Variants in NAA15 observed in about 807,000 individuals in gnomAD.
NAA15 encodes the protein N-alpha-acetyltransferase 15, NatA auxiliary subunit.
In NAA15, 34 loss-of-function variants were observed where a neutral mutation model predicts 114.0. That is an observed-to-expected ratio of 0.30 (90% CI 0.23 to 0.40). NAA15 has a LOEUF of 0.40. Ranked by LOEUF, NAA15 falls within the 10% of genes least tolerant of loss-of-function variation. The pLI, the probability that NAA15 is intolerant of heterozygous loss-of-function variation, is 1.00. For synonymous variants in NAA15, 340 were observed against 338.0 expected, an observed-to-expected ratio of 1.01 and a Z score of -0.06; for missense variants, 658 against 1,004.5, an observed-to-expected ratio of 0.66 and a Z score of 4.66.
Position 139,315,125 on chromosome 4 carries a change from C to G in NAA15, c.54+13294C>G, listed in dbSNP as rs148330663. On this transcript the variant is annotated intron_variant, in intron 1 of 19. Coordinates refer to ENST00000296543, the MANE Select transcript of NAA15 (RefSeq NM_057175.5). ...TCACCCAGGCTGGAGTGCAGTGGCG[C>G]GATCCCGGCTCACTGCAAGCTCTGC... Among the ~76,000 whole-genome samples, 796 of 150,982 alleles carry G rather than the reference C, an allele frequency of 5.3e-3. 22 individuals carry two copies. The highest frequency in any genetic ancestry group is 0.018 in the African/African-American group (757 of 40,986).
In NAA15 at chr4:139,307,392, C is replaced by G. The variant is rs554668346; in HGVS notation, c.54+5561C>G. On this transcript the variant is annotated intron_variant, in intron 1 of 19. Transcript: ENST00000296543. ...CAAGCTATCCTCCTAGCTCAGTCTC[C>G]CGAGTAGCTGCGACTACAGGCGTGC... 3.3e-5 allele frequency among the ~76,000 whole-genome samples: 5 copies of G among 152,286 alleles called. No individual in the cohort carries two copies. The South Asian group carries it at 1.0e-3, about 32-fold the overall frequency.
intron 1 of NAA15, among the ~76,000 whole-genome samples, chr4:139,327,388 T>C (rs977070042): frequency 3.3e-5 from 5 of 152,206 alleles, no homozygotes; most frequent in African/African-American, 1.2e-4. Context: ...TAGCTGGGAC[T>C]ACAGGCGTGC....
At chr4:139,387,172 A>G (rs1201451442) in intron 19 of NAA15, among the ~76,000 whole-genome samples, 1 of 152,184 alleles carries the variant, frequency 6.6e-6, no homozygotes, top group African/African-American at 2.4e-5. Context: ...TAACCTGGCA[A>G]AGTTTGTAGG....
chr4:139,385,616 C>T (rs891094013), intron 18 of NAA15, among the ~76,000 whole-genome samples: 2 of 152,126 alleles, frequency 1.3e-5, no homozygotes, highest in Non-Finnish European at 1.5e-5. Context: ...AGTCAAGGGT[C>T]TGTGCCAATG....
chr4:139,383,512 C>G (rs1299234373), intron 17 of NAA15, among the ~76,000 whole-genome samples: 1 of 152,186 alleles, frequency 6.6e-6, no homozygotes, highest in African/African-American at 2.4e-5. Flanking sequence ...ACTGTGTCAC[C>G]CAGGCTGGAA....
At chr4:139,335,965 G>A (rs1204828612) in intron 2 of NAA15, among the ~76,000 whole-genome samples, 4 of 152,002 alleles carry the variant, frequency 2.6e-5, no homozygotes, top group African/African-American at 9.7e-5. Flanking sequence ...CACCATGTTG[G>A]CCAGGCTGAT....
chr4:139,348,950 G>T (rs1048266290), intron 6 of NAA15, among the ~76,000 whole-genome samples: 5 of 152,178 alleles, frequency 3.3e-5, no homozygotes, highest in Non-Finnish European at 5.9e-5. Context: ...AGAAAGAAAA[G>T]ACAGTTAAGC....
intron 1 of NAA15, among the ~76,000 whole-genome samples, chr4:139,333,533 C>T (rs1056447113): frequency 6.6e-6 from 1 of 151,800 alleles, no homozygotes; most frequent in African/African-American, 2.4e-5. Flanking sequence ...GCCCTTTCAG[C>T]TTGAAAGCTT....
At chr4:139,380,258 T>G (rs904831393) in intron 17 of NAA15, among the ~76,000 whole-genome samples, 16 of 143,916 alleles carry the variant, frequency 1.1e-4, no homozygotes, top group African/African-American at 2.5e-4. Context: ...TTAGTTTTTT[T>G]GGGGGGGGGG....
rs1746261737 is a variant in NAA15 at position 139,312,704 on chromosome 4, T to C, written c.54+10873T>C. Among the ~76,000 whole-genome samples the C allele has an allele frequency of 1.3e-5, 2 of 151,552 alleles. 1 individual carries two copies. The highest frequency in any genetic ancestry group is 4.2e-4 in the South Asian group (2 of 4,808). On this transcript the variant is annotated intron_variant, in intron 1 of 19. Transcript: ENST00000296543. ...GTAAAAAATGAAAAAGTTACTTGGA[T>C]GTGGTGGTGGTGCAAACCTGTAGTC... is the stretch of plus-strand genomic sequence containing the variant.
chr4:139,328,102 G>T (rs1746862852), intron 1 of NAA15, among the ~76,000 whole-genome samples: 1 of 148,856 alleles, frequency 6.7e-6, no homozygotes, highest in Non-Finnish European at 1.5e-5. Flanking sequence ...TGCTATGTCT[G>T]TCTTCTAGCC....
chr4:139,301,874 G>T, intron 1 of NAA15, 43 bp downstream of exon 1: 1 of 1,555,674 alleles, frequency 6.4e-7, no homozygotes, highest in Non-Finnish European at 8.7e-7. Context: ...GGATTTAGCC[G>T]GTAACCGGGC....
rs1329453609 is a variant in NAA15 at position 139,388,608 on chromosome 4, T to G, written c.*524T>G. On this transcript the variant is annotated 3_prime_UTR_variant, in exon 20 of 20. Transcript: ENST00000296543. ...GTGAATCACTATTTACAGAGAAACC[T>G]ACAACAGATGCTTGATGTTGTAGAA... The G allele has an allele frequency of 6.5e-6, 1 of 153,856 alleles. No individual in the cohort carries two copies. Among genetic ancestry groups the G allele is most frequent in the Non-Finnish European group, 1.4e-5 (1 of 69,020 alleles). The allele number at this position is 153,856 out of a possible 1,614,324, so 9.5% of individuals were successfully genotyped here. A position where few individuals can be genotyped will look rare whatever the true frequency, so the allele number is the denominator to read the frequency against.
chr4:139,347,706 A>G (rs1013712598), intron 6 of NAA15, among the ~76,000 whole-genome samples: 8 of 152,156 alleles, frequency 5.3e-5, no homozygotes, highest in Non-Finnish European at 1.0e-4. Flanking sequence ...TTCAAATCCT[A>G]ACTCCATCAC....
At chr4:139,372,538 C>T (rs1479345716) in intron 15 of NAA15, among the ~76,000 whole-genome samples, 1 of 152,144 alleles carries the variant, frequency 6.6e-6, no homozygotes, top group African/African-American at 2.4e-5. Context: ...GTACATAAGA[C>T]CTTTTTCTTC....
In NAA15 at chr4:139,370,233, A is replaced by G; in HGVS notation, c.1776A>G (p.Leu592=). 1.9e-6 allele frequency: 3 copies of G among 1,554,978 alleles called. No individual in the cohort carries two copies. The highest frequency in any genetic ancestry group is 2.6e-6 in the Non-Finnish European group (3 of 1,158,566). Residue 592 remains leucine (L), a synonymous_variant, in exon 15 of 20, where the codon CTA becomes CTG. Transcript: ENST00000296543. The part of the protein sequence containing the change: ...ADTANMSDKE[L]KKLRNKQRRA... The stretch of plus-strand genomic sequence containing the variant: ...CAGCAAACATGTCTGACAAAGAGCT[A>G]AAGAAGCTACGTAATAAACAAAGAA...
At chr4:139,364,428 G>A (rs1748220631) in intron 14 of NAA15, among the ~76,000 whole-genome samples, 1 of 151,926 alleles carries the variant, frequency 6.6e-6, no homozygotes, top group Admixed American at 6.6e-5. Flanking sequence ...TAAACATTTG[G>A]AGTTAATTTT....
At chr4:139,330,902 C>T (rs557480642) in intron 1 of NAA15, among the ~76,000 whole-genome samples, 48 of 152,246 alleles carry the variant, frequency 3.2e-4, no homozygotes, top group African/African-American at 1.1e-3. Context: ...TTTCTTCATG[C>T]TAAAATGTGA....
intron 3 of NAA15, among the ~76,000 whole-genome samples, chr4:139,339,324 G>A (rs1016107274): frequency 2.0e-5 from 3 of 151,870 alleles, no homozygotes. Context: ...GTGAGACCTC[G>A]TCTCTATGGA....
Sources: allele counts gnomAD v4.1 joint callset (sites outside exome capture counted in the v4.1 genomes callset), GRCh38; gene constraint gnomAD v4.1.1; transcripts MANE v1.5; gene names NCBI Gene and HGNC (gene_info 2026-07-23, HGNC 2026-07-21).